Variants in ARHGAP10 observed in about 807,000 individuals in gnomAD.
ARHGAP10 encodes the protein rho GTPase-activating protein 10.
In ARHGAP10, 87 loss-of-function variants were observed where a neutral mutation model predicts 108.6. The ratio of observed to expected loss-of-function variants is 0.80; its 90% CI spans 0.67 to 0.96. ARHGAP10 has a LOEUF of 0.96. Among genes scored for constraint, ARHGAP10 ranks in the 40% least tolerant of loss-of-function variants. ARHGAP10 has a pLI of 0.00. For synonymous variants in ARHGAP10, 347 were observed against 341.1 expected (o/e 1.02, Z -0.19); for missense variants, 939 against 954.5 (o/e 0.98, Z 0.21).
chr4:147,768,783 G>C (rs1406472636), intron 1 of ARHGAP10, among the ~76,000 whole-genome samples: 2 of 146,854 alleles, frequency 1.4e-5, no homozygotes, highest in East Asian at 2.0e-4. Flanking sequence ...CTGTCACCCA[G>C]ACTGGAGTGC....
At chr4:147,805,549 A>G (rs1436500596) in intron 1 of ARHGAP10, among the ~76,000 whole-genome samples, 1 of 152,194 alleles carries the variant, frequency 6.6e-6, no homozygotes, top group East Asian at 1.9e-4. Context: ...GAATCTGTAA[A>G]TTGCTTTGGG....
At chr4:148,015,505 TC>T (rs1741313019) in intron 18 of ARHGAP10, among the ~76,000 whole-genome samples, 1 of 152,174 alleles carries the variant, frequency 6.6e-6, no homozygotes, top group Admixed American at 6.5e-5. Flanking sequence ...GTAGAATATT[TC>T]CAGCCTCAAG....
intron 1 of ARHGAP10, among the ~76,000 whole-genome samples, chr4:147,793,142 AAAAG>A (rs1236372188): frequency 3.9e-5 from 6 of 151,964 alleles, no homozygotes; most frequent in Admixed American, 1.3e-4. Context: ...TCTCTGGAAA[AAAAG>A]AAAATGTGTG....
intron 13 of ARHGAP10, among the ~76,000 whole-genome samples, chr4:147,923,665 C>A (rs1391368341): frequency 6.6e-6 from 1 of 152,190 alleles, no homozygotes; most frequent in African/African-American, 2.4e-5. Context: ...GACAATCTTT[C>A]ATTTGTTGCA....
intron 10 of ARHGAP10, among the ~76,000 whole-genome samples, chr4:147,884,386 A>G (rs1419051119): frequency 6.6e-6 from 1 of 152,180 alleles, no homozygotes; most frequent in African/African-American, 2.4e-5. Flanking sequence ...GATCTATTCT[A>G]GTGGTTTTCA....
chr4:147,766,250 A>G (rs1729807315), intron 1 of ARHGAP10, among the ~76,000 whole-genome samples: 1 of 152,170 alleles, frequency 6.6e-6, no homozygotes, highest in Non-Finnish European at 1.5e-5. Flanking sequence ...AGATCATGCC[A>G]CTGCCCTCCA....
intron 1 of ARHGAP10, among the ~76,000 whole-genome samples, chr4:147,751,883 GTT>G (rs371998598): frequency 1.3e-4 from 17 of 126,276 alleles, no homozygotes; most frequent in Non-Finnish European, 1.4e-4. Context: ...GAAGCCTTTA[GTT>G]TTTTTTTTTT....
intron 13 of ARHGAP10, among the ~76,000 whole-genome samples, chr4:147,919,354 C>T (rs867897374): frequency 2.0e-5 from 3 of 152,158 alleles, no homozygotes; most frequent in Admixed American, 6.5e-5. Context: ...ACAAACCATA[C>T]TTTTCCATAG....
chr4:147,768,651 A>G (rs373469696), intron 1 of ARHGAP10, among the ~76,000 whole-genome samples: 1 of 152,166 alleles, frequency 6.6e-6, no homozygotes, highest in African/African-American at 2.4e-5. Context: ...GATGGTAGAA[A>G]TTGTAGAAGC....
rs373501853 is a variant in ARHGAP10, at chr4:147,736,507, G to T, written c.154+4052G>T. On this transcript the variant is annotated intron_variant, in intron 1 of 22. Coordinates refer to ENST00000336498, the MANE Select transcript of ARHGAP10 (RefSeq NM_024605.4). ...TTTTTTGTAAAATGGGACTGATACA[G>T]AAAGCCTTGAGGAATAAATAAAATG... Among the ~76,000 whole-genome samples the T allele has an allele frequency of 3.9e-5, 6 of 152,228 alleles. No individual in the cohort carries two copies. The East Asian group carries it at 1.2e-3, about 29-fold the overall frequency.
chr4:147,845,344 TCTC>T (rs1389806833), intron 3 of ARHGAP10, among the ~76,000 whole-genome samples: 1 of 152,230 alleles, frequency 6.6e-6, no homozygotes, highest in Non-Finnish European at 1.5e-5. Context: ...GCTTACATCT[TCTC>T]TACTGAACAG....
chr4:147,845,735 T>TA (rs1733603842), intron 3 of ARHGAP10, among the ~76,000 whole-genome samples: 1 of 152,106 alleles, frequency 6.6e-6, no homozygotes. Context: ...TGTGGGAGCT[T>TA]AAAAAATGAC....
chr4:148,007,341 CTG>C, intron 18 of ARHGAP10, among the ~76,000 whole-genome samples: 1 of 152,306 alleles, frequency 6.6e-6, no homozygotes, highest in South Asian at 2.1e-4. Context: ...CATGGTTACT[CTG>C]TGGATGTCAT....
rs559313526 is a variant in ARHGAP10, at chr4:148,002,678, T to C, written c.1717-20585T>C. 9.2e-5 allele frequency among the ~76,000 whole-genome samples: 14 copies of C among 152,352 alleles called. No homozygotes were observed. The East Asian group carries it at 2.5e-3, about 27-fold the overall frequency. On this transcript the variant is annotated intron_variant, in intron 18 of 22. Transcript: ENST00000336498. ...TGTCAAGGAATTTATCCATTTCTTC[T>C]AGATTTTCTAGTTTATTTGCGTAGA...
chr4:147,791,048 AGTAAT>A (rs1475883202), intron 1 of ARHGAP10, among the ~76,000 whole-genome samples: 2 of 151,864 alleles, frequency 1.3e-5, no homozygotes, highest in Non-Finnish European at 2.9e-5. Context: ...TGAGTTTATG[AGTAAT>A]GTAAGGTATA....
chr4:148,032,342 C>G lies in ARHGAP10; in HGVS notation c.1867+8929C>G, dbSNP rs982084122. On this transcript the variant is annotated intron_variant, in intron 19 of 22. Transcript: ENST00000336498. ...ATTTCAACTGTCCCCCCCCCCCCCC[C>G]CCCCATATTGTAGGCCAAACGTTGT... Among the ~76,000 whole-genome samples, 153 of 74,098 alleles carry G rather than the reference C, an allele frequency of 2.1e-3. 8 individuals are homozygous for G. Among genetic ancestry groups the G allele is most frequent in the African/African-American group, 6.1e-3 (104 of 17,152 alleles). The allele number at this position is 74,098 out of a possible 152,430, so 48.6% of individuals were successfully genotyped here.
chr4:148,045,203 C>T (rs893824946), intron 19 of ARHGAP10, among the ~76,000 whole-genome samples: 5 of 152,188 alleles, frequency 3.3e-5, no homozygotes, highest in African/African-American at 1.2e-4. Flanking sequence ...AGGGGTCCCC[C>T]TCAATACTCA....
chr4:147,855,795 A>G (rs1181656189), intron 4 of ARHGAP10, among the ~76,000 whole-genome samples: 3 of 146,484 alleles, frequency 2.0e-5, no homozygotes, highest in South Asian at 2.2e-4. Context: ...AGTGTGGGGG[A>G]GTTAATTGAG....
intron 1 of ARHGAP10, among the ~76,000 whole-genome samples, chr4:147,784,828 A>G (rs1328898408): frequency 6.5e-5 from 2 of 30,562 alleles, no homozygotes; most frequent in African/African-American, 1.1e-4. Context: ...AATATATATT[A>G]TAAATATATT....
Sources: gnomAD v4.1 joint callset for allele counts (sites outside exome capture counted in the v4.1 genomes callset) on GRCh38, gnomAD v4.1.1 for gene constraint, MANE v1.5 for transcripts, NCBI Gene and HGNC (gene_info 2026-07-23, HGNC 2026-07-21) for gene names.